Variants in EXOC4 observed in about 807,000 individuals in gnomAD.
EXOC4 encodes the protein exocyst complex component 4.
A neutral mutation model predicts 107.2 loss-of-function variants in EXOC4; 71 were observed. The ratio of observed to expected loss-of-function variants is 0.66; its 90% CI spans 0.55 to 0.81. EXOC4 has a LOEUF of 0.81. EXOC4 is among the 30% of genes least tolerant of loss of function. EXOC4 has a pLI of 0.00. For missense variants in EXOC4, 1,108 were observed against 1,189.6 expected, an observed-to-expected ratio of 0.93 and a Z score of 1.01; for synonymous variants, 456 against 441.2, an observed-to-expected ratio of 1.03 and a Z score of -0.42.
intron 14 of EXOC4, among the ~76,000 whole-genome samples, chr7:133,961,419 T>A (rs1211642414): frequency 3.3e-5 from 5 of 151,066 alleles, no homozygotes; most frequent in African/African-American, 1.2e-4. Flanking sequence ...CCCGAGAAGC[T>A]GGGACTACAG....
At chr7:133,867,176 C>T (rs1271023006) in intron 11 of EXOC4, among the ~76,000 whole-genome samples, 2 of 152,202 alleles carry the variant, frequency 1.3e-5, no homozygotes, top group Non-Finnish European at 2.9e-5. Flanking sequence ...AGCCCTGGCC[C>T]TCCCATTCAC....
chr7:133,399,209 G>A (rs1309887337), intron 7 of EXOC4, among the ~76,000 whole-genome samples: 2 of 152,306 alleles, frequency 1.3e-5, no homozygotes, highest in African/African-American at 2.4e-5. Flanking sequence ...AGTAGATGCC[G>A]GAATTGCTGA....
intron 11 of EXOC4, among the ~76,000 whole-genome samples, chr7:133,894,507 G>T (rs1799256734): frequency 9.6e-6 from 1 of 104,704 alleles, no homozygotes; most frequent in African/African-American, 5.8e-5. Flanking sequence ...GAGGCGCTCT[G>T]CGTTTTAGAG....
Position 133,489,516 on chromosome 7 carries a change from C to T in EXOC4, c.1417+9378C>T, listed in dbSNP as rs574513752. ...AACTACCCCTGAACGAGTACTGTAC[C>T]TTAAGTCGTCCATGAGAAGGCATCT... is the stretch of plus-strand genomic sequence containing the variant. On this transcript the variant is annotated intron_variant, in intron 9 of 17. Transcript: ENST00000253861. Among the ~76,000 whole-genome samples, 5 of 152,236 alleles carry T rather than the reference C, an allele frequency of 3.3e-5. No individual in the cohort carries two copies. In the South Asian group the frequency reaches 1.0e-3, roughly 32 times the overall value.
Position 133,356,332 on chromosome 7 carries a change from A to C in EXOC4, c.766A>C (p.Arg256=). 6.2e-7 allele frequency: 1 copy of C among 1,613,394 alleles called. No homozygotes were observed. The highest frequency in any genetic ancestry group is 8.5e-7 in the Non-Finnish European group (1 of 1,179,770). The change falls in exon 6 of 18, where the codon AGG becomes CGG. Residue 256 remains arginine (R), a splice_region_variant and synonymous_variant. Transcript: ENST00000253861. ...ATTGTTATTATTTAATTTTTCAGTG[A>C]GGGAGATAAATCTGCAGGACATCAA... is the stretch of plus-strand genomic sequence containing the variant. ...HYSTAGSSSV[R]EINLQDIKED... is the part of the protein sequence containing the mutation.
At chr7:133,969,989 T>A (rs932802898) in intron 14 of EXOC4, among the ~76,000 whole-genome samples, 1 of 152,182 alleles carries the variant, frequency 6.6e-6, no homozygotes, top group Non-Finnish European at 1.5e-5. Context: ...GATGGGAGTT[T>A]TATCCATAAG....
intron 10 of EXOC4, among the ~76,000 whole-genome samples, chr7:133,702,184 T>C (rs1034235231): frequency 2.0e-5 from 3 of 151,506 alleles, no homozygotes. Flanking sequence ...AAATACTTAA[T>C]AGCAAAATAT....
intron 9 of EXOC4, among the ~76,000 whole-genome samples, chr7:133,525,761 T>C (rs1800067188): frequency 6.6e-6 from 1 of 152,132 alleles, no homozygotes; most frequent in South Asian, 2.1e-4. Flanking sequence ...TATGAAAGTA[T>C]TTGTTATTTC....
chr7:133,306,780 C>T (rs1462707505), intron 4 of EXOC4, among the ~76,000 whole-genome samples: 3 of 151,854 alleles, frequency 2.0e-5, no homozygotes, highest in Non-Finnish European at 4.4e-5. Context: ...TTATGTTCAG[C>T]TTTAGGTTGT....
chr7:134,022,432 A>G (rs1280018973), intron 17 of EXOC4, among the ~76,000 whole-genome samples: 1 of 152,150 alleles, frequency 6.6e-6, no homozygotes, highest in African/African-American at 2.4e-5. Context: ...TTAAATATTT[A>G]CTGTCTGTTG....
intron 9 of EXOC4, among the ~76,000 whole-genome samples, chr7:133,522,667 G>A (rs1800001756): frequency 6.6e-6 from 1 of 152,058 alleles, no homozygotes; most frequent in Admixed American, 6.6e-5. Context: ...AAACCAGGAT[G>A]GCATACGGCA....
intron 5 of EXOC4, among the ~76,000 whole-genome samples, chr7:133,338,816 C>T (rs1292455551): frequency 3.6e-5 from 5 of 139,922 alleles, no homozygotes; most frequent in South Asian, 2.3e-4. Context: ...TGCAATGGGG[C>T]GATCTCAGCT....
chr7:133,546,470 G>T (rs921763359), intron 9 of EXOC4, among the ~76,000 whole-genome samples: 1 of 151,818 alleles, frequency 6.6e-6, no homozygotes, highest in Admixed American at 6.6e-5. Context: ...TGGCCAGGCT[G>T]GTCTCAAACT....
chr7:133,383,230 A>T (rs1393249316), intron 7 of EXOC4, among the ~76,000 whole-genome samples: 3 of 152,190 alleles, frequency 2.0e-5, no homozygotes, highest in African/African-American at 7.2e-5. Context: ...ATCACTTTGA[A>T]CAAACCCATC....
intron 11 of EXOC4, chr7:133,895,339 A>G (rs1799280021): frequency 2.8e-6 from 1 of 362,336 alleles, no homozygotes; most frequent in East Asian, 6.9e-5. Context: ...GGCACTCCCT[A>G]GTGAGATGAA....
chr7:133,771,404 A>C (rs1796241967), intron 10 of EXOC4: 1 of 151,908 alleles, frequency 6.6e-6, no homozygotes, highest in Non-Finnish European at 1.5e-5. Context: ...TTCAGGCCTC[A>C]TTTCATCTTA....
intron 11 of EXOC4, among the ~76,000 whole-genome samples, chr7:133,820,815 G>T (rs1797503660): frequency 6.6e-6 from 1 of 152,192 alleles, no homozygotes; most frequent in Admixed American, 6.5e-5. Flanking sequence ...ATAACGGACA[G>T]ACACGGTGCC....
rs531878289 is a variant in EXOC4 at position 133,986,029 on chromosome 7, A to G, written c.2207-11463A>G. ...CCGTTATTGAGATGTAAAAGGATTCATTGGTTGGATGTTGTGCTTCAGAGC... is the reference window on the plus strand; with the variant it reads ...CCGTTATTGAGATGTAAAAGGATTCGTTGGTTGGATGTTGTGCTTCAGAGC... On this transcript the variant is annotated intron_variant, in intron 14 of 17. Coordinates refer to ENST00000253861, the MANE Select transcript of EXOC4 (RefSeq NM_021807.4). Among the ~76,000 whole-genome samples, 74 of 152,346 alleles carry G rather than the reference A, an allele frequency of 4.9e-4. 1 individual carries two copies. The highest frequency in any genetic ancestry group is 3.4e-3 in the Middle Eastern group (1 of 294).
At position 134,005,053 on chromosome 7, in the gene EXOC4, C is replaced by T; in HGVS notation, c.2490C>T (p.Ala830=). The change falls in exon 16 of 18, where the codon GCC becomes GCT. Residue 830 remains alanine, a synonymous_variant. Transcript: ENST00000253861. ...GCGCCATTGAAGAGGCCATGAGCGC[C>T]AGCCTTCAGCAGCACAAGTTCCAGT... The part of the protein sequence containing the change: ...DISAIEEAMS[A]SLQQHKFQYI... The T allele has an allele frequency of 1.2e-6, 2 of 1,613,450 alleles. No homozygotes were observed. The highest frequency in any genetic ancestry group is 1.7e-6 in the Non-Finnish European group (2 of 1,179,554).
Sources: allele counts gnomAD v4.1 joint callset (sites outside exome capture counted in the v4.1 genomes callset), GRCh38; gene constraint gnomAD v4.1.1; transcripts MANE v1.5; gene names NCBI Gene and HGNC (gene_info 2026-07-23, HGNC 2026-07-21).